MAS1: variants seen among roughly 807,000 people sequenced by gnomAD.
MAS1 encodes the protein MAS1 proto-oncogene, G protein-coupled receptor.
For synonymous variants in MAS1, 163 were observed against 164.2 expected (o/e 0.99, Z 0.05); for missense variants, 387 against 409.7 (o/e 0.94, Z 0.48).
chr6:159,916,507 C>T lies in MAS1; in HGVS notation c.*8574C>T, dbSNP rs1050159382. ...AAATTTTATGTTATGTATATTTTAC[C>T]ACAATAAAGAAGTGAGTTATTGTAC... is the stretch of plus-strand genomic sequence containing the variant. On this transcript the variant is annotated 3_prime_UTR_variant, in exon 3 of 3. Transcript: ENST00000674077. 4.6e-5 allele frequency: 7 copies of T among 152,068 alleles called. No homozygotes were observed. The highest frequency in any genetic ancestry group is 8.8e-5 in the Non-Finnish European group (6 of 68,034). The allele number at this position is 152,068 out of a possible 1,614,324, so 9.4% of individuals were successfully genotyped here. A position where few individuals can be genotyped will look rare whatever the true frequency, so the allele number is the denominator to read the frequency against.
intron 1 of MAS1, among the ~76,000 whole-genome samples, chr6:159,893,331 C>T (rs1261872865): frequency 3.9e-5 from 6 of 152,118 alleles, no homozygotes; most frequent in Admixed American, 3.3e-4. Context: ...ATGGGGGGTA[C>T]AGGGAACTGG....
chr6:159,905,189 C>T (rs568055360), intron 2 of MAS1, among the ~76,000 whole-genome samples: 2 of 152,326 alleles, frequency 1.3e-5, no homozygotes, highest in Non-Finnish European at 2.9e-5. Flanking sequence ...TATTTACTGC[C>T]ATGTCCCAGT....
chr6:159,891,644 C>T (rs1782700121), intron 1 of MAS1, among the ~76,000 whole-genome samples: 1 of 152,170 alleles, frequency 6.6e-6, no homozygotes, highest in African/African-American at 2.4e-5. Flanking sequence ...TGGGCACTGG[C>T]ATCAGTATTA....
chr6:159,892,090 A>G (rs1199099277), intron 1 of MAS1, among the ~76,000 whole-genome samples: 1 of 152,176 alleles, frequency 6.6e-6, no homozygotes, highest in Admixed American at 6.5e-5. Context: ...AGGGCTCTAA[A>G]TTGATCCTGT....
At position 159,916,467 on chromosome 6, in the gene MAS1, A is replaced by G. The variant is rs1002375200; in HGVS notation, c.*8534A>G. The G allele has an allele frequency of 1.3e-5, 2 of 152,194 alleles. No individual in the cohort carries two copies. The highest frequency in any genetic ancestry group is 2.9e-5 in the Non-Finnish European group (2 of 68,040). The allele number at this position is 152,194 out of a possible 1,614,324, so 9.4% of individuals were successfully genotyped here. On this transcript the variant is annotated 3_prime_UTR_variant, in exon 3 of 3. Transcript: ENST00000674077. ...AACCCCACTGTACTGTATTCTTAAAAATGTTTCAGATGGTAAATTTTATGT... is the reference window on the plus strand; with the variant it reads ...AACCCCACTGTACTGTATTCTTAAAGATGTTTCAGATGGTAAATTTTATGT...
Position 159,910,850 on chromosome 6 carries a change from T to C in MAS1, c.*2917T>C, listed in dbSNP as rs1001035225. ...CATTTGTCTTGCAGCCTGACCATCA[T>C]AGAGAGATTGGTCCAGATAGGAAGG... On this transcript the variant is annotated 3_prime_UTR_variant, in exon 3 of 3. Coordinates refer to ENST00000674077, the MANE Select transcript of MAS1 (RefSeq NM_002377.4). 2.0e-5 allele frequency: 3 copies of C among 152,266 alleles called. No homozygotes were observed. Among genetic ancestry groups the C allele is most frequent in the African/African-American group, 4.8e-5 (2 of 41,454 alleles). 9.4% of individuals were successfully genotyped at this position (152,266 alleles called of 1,614,324 possible).
chr6:159,892,132 G>T (rs1782706389), intron 1 of MAS1, among the ~76,000 whole-genome samples: 1 of 152,198 alleles, frequency 6.6e-6, no homozygotes, highest in Non-Finnish European at 1.5e-5. Context: ...AGAAGTCTCT[G>T]CTTCTGCGTA....
intron 1 of MAS1, among the ~76,000 whole-genome samples, chr6:159,895,442 A>G (rs1782744922): frequency 6.6e-6 from 1 of 152,212 alleles, no homozygotes; most frequent in African/African-American, 2.4e-5. Flanking sequence ...GCATCCTTTC[A>G]TGTCTTTTAT....
chr6:159,890,743 A>ATGCGGT (rs1188323666), upstream of MAS1, among the ~76,000 whole-genome samples: 1 of 152,188 alleles, frequency 6.6e-6, no homozygotes, highest in Non-Finnish European at 1.5e-5. Context: ...TCTACTACAC[A>ATGCGGT]TGCGGTTTTG....
In MAS1 at chr6:159,914,270, C is replaced by G. The variant is rs551217286; in HGVS notation, c.*6337C>G. 4 of 152,064 alleles carry G rather than the reference C, an allele frequency of 2.6e-5. No individual in the cohort carries two copies. The highest frequency in any genetic ancestry group is 4.8e-5 in the African/African-American group (2 of 41,366). The allele number at this position is 152,064 out of a possible 1,614,324, so 9.4% of individuals were successfully genotyped here. A position where few individuals can be genotyped will look rare whatever the true frequency, so the allele number is the denominator to read the frequency against. On this transcript the variant is annotated 3_prime_UTR_variant, in exon 3 of 3. Coordinates refer to ENST00000674077, the MANE Select transcript of MAS1 (RefSeq NM_002377.4). ...GCTTTGTTATCTCTTTTGATGTTGT[C>G]GTTTTCCCCTGAGTTTTCACAGTCC... is the stretch of plus-strand genomic sequence containing the variant.
chr6:159,906,918 A>G lies in MAS1; in HGVS notation c.-36-2A>G. ...TTTGTTTTGTTCTGGACATATTTAC[A>G]GAAAATTACCTGAAGAGTTCCAACC... On this transcript the variant is annotated splice_acceptor_variant, in intron 2 of 2. Coordinates refer to ENST00000674077, the MANE Select transcript of MAS1 (RefSeq NM_002377.4). LOFTEE classifies it low-confidence loss of function (5UTR_SPLICE). The G allele has an allele frequency of 6.5e-7, 1 of 1,539,834 alleles. No individual in the cohort carries two copies. Among genetic ancestry groups the G allele is most frequent in the Non-Finnish European group, 8.8e-7 (1 of 1,141,906 alleles).
At chr6:159,890,239 C>T (rs1583208819), upstream of MAS1, among the ~76,000 whole-genome samples, 1 of 152,190 alleles carries the variant, frequency 6.6e-6, no homozygotes, top group South Asian at 2.1e-4. Context: ...AAACAAAAAA[C>T]CTAACCAAAC....
rs2115104583 is a variant in MAS1 at position 159,890,995 on chromosome 6, T to A, written c.-382T>A. ...CAGTGGGAGAGCAGCTCTGATTCCT[T>A]CAGAGATGAGAGGCTGCAGCCATCC... On this transcript the variant is annotated 5_prime_UTR_variant, in exon 1 of 3. Coordinates refer to ENST00000674077, the MANE Select transcript of MAS1 (RefSeq NM_002377.4). Among the ~76,000 whole-genome samples the A allele has an allele frequency of 6.6e-6, 1 of 152,304 alleles. No homozygotes were observed. The highest frequency in any genetic ancestry group is 6.5e-5 in the Admixed American group (1 of 15,300).
rs1310853289 is a variant in MAS1, at chr6:159,912,835, A to G, written c.*4902A>G. ...AAGGAGGTAAGAGAGGTGTCACAGA[A>G]CTGCTAAAATACACTTCAACTATTG... On this transcript the variant is annotated 3_prime_UTR_variant, in exon 3 of 3. Coordinates refer to ENST00000674077, the MANE Select transcript of MAS1 (RefSeq NM_002377.4). 1 of 152,198 alleles carries G rather than the reference A, an allele frequency of 6.6e-6. No individual in the cohort carries two copies. The highest frequency in any genetic ancestry group is 1.5e-5 in the Non-Finnish European group (1 of 68,034). The allele number at this position is 152,198 out of a possible 1,614,324, so 9.4% of individuals were successfully genotyped here. A position where few individuals can be genotyped will look rare whatever the true frequency, so the allele number is the denominator to read the frequency against.
Position 159,906,961 on chromosome 6 carries a change from T to C in MAS1, c.6T>C (p.Asp2=), listed in dbSNP as rs1349209069. Residue 2 remains aspartate, a synonymous_variant, in exon 3 of 3, where the codon GAT becomes GAC. Transcript: ENST00000674077. ...TTCCAACCTGAGGCCTCCTCATGGA[T>C]GGGTCAAACGTGACATCATTTGTTG... M[D]GSNVTSFVVE... 1 of 1,596,988 alleles carries C rather than the reference T, an allele frequency of 6.3e-7. No homozygotes were observed. The highest frequency in any genetic ancestry group is 8.6e-7 in the Non-Finnish European group (1 of 1,166,144).
At chr6:159,904,262 G>A (rs1283403884) in intron 2 of MAS1, among the ~76,000 whole-genome samples, 5 of 151,878 alleles carry the variant, frequency 3.3e-5, no homozygotes, top group East Asian at 3.9e-4. Context: ...AGATACCCTC[G>A]TCTTGCCTCA....
upstream of MAS1, among the ~76,000 whole-genome samples, chr6:159,890,636 T>A (rs908997068): frequency 6.6e-6 from 1 of 152,208 alleles, no homozygotes; most frequent in Non-Finnish European, 1.5e-5. Flanking sequence ...TATTATTAGC[T>A]CCATTTTACA....
intron 1 of MAS1, among the ~76,000 whole-genome samples, chr6:159,896,368 T>G (rs928990011): frequency 3.9e-5 from 6 of 152,152 alleles, no homozygotes; most frequent in African/African-American, 1.4e-4. Flanking sequence ...AGTCATACTT[T>G]TAGAGTATAT....
Position 159,915,558 on chromosome 6 carries a change from C to T in MAS1, c.*7625C>T, listed in dbSNP as rs1036367539. 2.0e-5 allele frequency: 3 copies of T among 152,124 alleles called. No individual in the cohort carries two copies. The highest frequency in any genetic ancestry group is 6.5e-5 in the Admixed American group (1 of 15,278). The allele number at this position is 152,124 out of a possible 1,614,324, so 9.4% of individuals were successfully genotyped here. ...CATTACCTGTATGGTACATTTTGGC[C>T]AACACCAGCCTGTTAATGCCTGAGG... On this transcript the variant is annotated 3_prime_UTR_variant, in exon 3 of 3. Transcript: ENST00000674077.
Sources: gnomAD v4.1 joint callset for allele counts (sites outside exome capture counted in the v4.1 genomes callset) on GRCh38, gnomAD v4.1.1 for gene constraint, MANE v1.5 for transcripts, NCBI Gene and HGNC (gene_info 2026-07-23, HGNC 2026-07-21) for gene names.